TRIM29: variants seen among roughly 807,000 people sequenced by gnomAD.
TRIM29 encodes tripartite motif containing 29.
TRIM29 carries 52 observed loss-of-function variants against 57.3 expected under a neutral mutation model. That is an observed-to-expected ratio of 0.91 (90% CI 0.73 to 1.14). The LOEUF (loss-of-function observed/expected upper bound fraction) is 1.14, where lower values mean the gene tolerates loss of function less well. Ranked by LOEUF, TRIM29 falls within the 50% of genes most tolerant of loss-of-function variation. The probability of loss-of-function intolerance (pLI) is 0.00; values close to 1 mark genes in which losing one functional copy is unlikely to be tolerated. For synonymous variants in TRIM29, 319 were observed against 316.9 expected, an observed-to-expected ratio of 1.01 and a Z score of -0.07; for missense variants, 753 against 774.6, an observed-to-expected ratio of 0.97 and a Z score of 0.33.
rs1565319281 is a variant in TRIM29, at chr11:120,128,437, T to G, written c.863A>C (p.Glu288Ala). 6.2e-7 allele frequency: 1 copy of G among 1,612,560 alleles called. No individual in the cohort carries two copies. Residue 288 changes from glutamate to alanine, a missense_variant, in exon 2 of 9, where the codon GAA becomes GCA. Glu to Ala is a moderately radical substitution (Grantham distance 107). Coordinates refer to ENST00000341846, the MANE Select transcript of TRIM29 (RefSeq NM_012101.4). Reference protein sequence around the residue: ...LQLKIIEIEDEAEKWQKEKDR... With the variant: ...LQLKIIEIEDAAEKWQKEKDR... ...CTTCTCCTTCTGCCACTTCTCAGCT[T>G]CATCCTCAATCTCAATGATCTTGAG... is the stretch of plus-strand genomic sequence containing the variant.
chr11:120,131,811 A>T (rs2135026013), intron 1 of TRIM29, among the ~76,000 whole-genome samples: 1 of 150,724 alleles, frequency 6.6e-6, no homozygotes. Context: ...GGGAAGGTTT[A>T]AAAGTCGCTG....
intron 7 of TRIM29, 122 bp from the exon 8 acceptor site, chr11:120,115,536 A>C: frequency 1.2e-6 from 1 of 846,800 alleles, no homozygotes; most frequent in Non-Finnish European, 1.8e-6. Context: ...CCATTACCAA[A>C]TGCAGCCGTC....
chr11:120,119,487 G>A (rs1328350139), intron 6 of TRIM29, among the ~76,000 whole-genome samples: 2 of 152,196 alleles, frequency 1.3e-5, no homozygotes, highest in Non-Finnish European at 2.9e-5. Flanking sequence ...GTTCCGCGAG[G>A]CCAGACACCT....
chr11:120,133,853 C>G (rs35305809), intron 1 of TRIM29, among the ~76,000 whole-genome samples: 1 of 152,146 alleles, frequency 6.6e-6, no homozygotes, highest in African/African-American at 2.4e-5. Flanking sequence ...AGGTGTGAGG[C>G]TAAGCCTCTC....
At chr11:120,135,046 C>T (rs886653296) in intron 1 of TRIM29, among the ~76,000 whole-genome samples, 1 of 152,170 alleles carries the variant, frequency 6.6e-6, no homozygotes, top group Non-Finnish European at 1.5e-5. Context: ...CTGTGAGTCC[C>T]TCAGCGGCCC....
chr11:120,120,241 T>C (rs1435132095), intron 6 of TRIM29, among the ~76,000 whole-genome samples: 1 of 151,704 alleles, frequency 6.6e-6, no homozygotes, highest in East Asian at 1.9e-4. Context: ...CCCCAGATCC[T>C]TCCTCAGGGA....
intron 7 of TRIM29, chr11:120,115,636 G>A: frequency 1.8e-6 from 1 of 558,602 alleles, no homozygotes; most frequent in East Asian, 3.1e-5. Context: ...ACAGAAGGAG[G>A]AGGAGCCGGC....
At chr11:120,116,948 T>C (rs762109122) in intron 7 of TRIM29, 4 of 398,050 alleles carry the variant, frequency 1.0e-5, no homozygotes, top group South Asian at 7.5e-5. Context: ...GGATGGAAAA[T>C]GGGCAGATAC....
In TRIM29 at chr11:120,112,448, T is replaced by C. The variant is rs1215545689; in HGVS notation, c.1733A>G (p.Lys578Arg). 6.2e-7 allele frequency: 1 copy of C among 1,613,108 alleles called. No individual in the cohort carries two copies. The highest frequency in any genetic ancestry group is 2.2e-5 in the East Asian group (1 of 44,856). ...TTCGTTGGACCCAATCCCGTTGCCTTTGTTGACGTAGAATGGCCGGTAGTG... is the reference window on the plus strand; with the variant it reads ...TTCGTTGGACCCAATCCCGTTGCCTCTGTTGACGTAGAATGGCCGGTAGTG... ...LSHYRPFYVN[K>R]GNGIGSNEAP The change falls in exon 9 of 9, where the codon AAA (lysine) becomes AGA (arginine). Residue 578 changes from lysine (K) to arginine (R), a missense_variant. Coordinates refer to ENST00000341846, the MANE Select transcript of TRIM29 (RefSeq NM_012101.4).
intron 8 of TRIM29, chr11:120,113,605 T>A (rs1476257277): frequency 2.2e-6 from 1 of 456,126 alleles, no homozygotes; most frequent in African/African-American, 2.0e-5. Context: ...TCCTTGCCTT[T>A]GTGTGGTCCA....
intron 8 of TRIM29, among the ~76,000 whole-genome samples, chr11:120,113,135 G>T (rs1863177800): frequency 6.6e-6 from 1 of 152,130 alleles, no homozygotes; most frequent in African/African-American, 2.4e-5. Context: ...GGTGCAGAGA[G>T]GGTAAAGAAC....
At chr11:120,125,940 A>T (rs1208341673) in intron 3 of TRIM29, 51 bp from the exon 4 acceptor site, 1 of 1,577,318 alleles carries the variant, frequency 6.3e-7, no homozygotes, top group Admixed American at 1.7e-5. Context: ...ATGAGCTATG[A>T]GGACGCTTCT....
At chr11:120,135,322 T>A (rs1392712632) in intron 1 of TRIM29, among the ~76,000 whole-genome samples, 2 of 152,126 alleles carry the variant, frequency 1.3e-5, no homozygotes, top group African/African-American at 4.8e-5. Context: ...CTCGAAGACA[T>A]GTCTAAGAAT....
In TRIM29 at chr11:120,137,801, T is replaced by A. The variant is rs934502841; in HGVS notation, c.231A>T (p.Arg77=). 2 of 1,612,102 alleles carry A rather than the reference T, an allele frequency of 1.2e-6. No individual in the cohort carries two copies. Among genetic ancestry groups the A allele is most frequent in the Non-Finnish European group, 1.7e-6 (2 of 1,179,980 alleles). ...CGGACTCGACAAACTGGATGATGGG[T>A]CGCCGCCACTCATTGCCCGCGAACA... is the stretch of plus-strand genomic sequence containing the variant. The part of the protein sequence containing the change: ...SALFAGNEWR[R]PIIQFVESGD... The change falls in exon 1 of 9, where the codon CGA becomes CGT. Residue 77 remains arginine, a synonymous_variant. Transcript: ENST00000341846. The surrounding 1 kb of genome is among the most constrained non-coding windows in gnomAD (Gnocchi z 6.2).
intron 6 of TRIM29, among the ~76,000 whole-genome samples, chr11:120,120,336 C>A (rs1863402536): frequency 8.6e-6 from 1 of 116,192 alleles, no homozygotes; most frequent in Non-Finnish European, 1.8e-5. Flanking sequence ...TGGTGTCCCC[C>A]ACACATGTAC....
intron 5 of TRIM29, chr11:120,120,948 T>C: frequency 2.0e-6 from 1 of 490,688 alleles, no homozygotes; most frequent in Non-Finnish European, 3.8e-6. Flanking sequence ...CACGTGAGGG[T>C]GGGGCCTCCT....
At chr11:120,121,493 G>C (rs1863443271) in intron 5 of TRIM29, 1 of 154,756 alleles carries the variant, frequency 6.5e-6, no homozygotes, top group Non-Finnish European at 1.4e-5. Context: ...CAGATTTCCT[G>C]TCCCTCCTGT....
At chr11:120,117,148 C>T (rs1478820638) in intron 7 of TRIM29, 1 of 278,418 alleles carries the variant, frequency 3.6e-6, no homozygotes, top group Non-Finnish European at 7.2e-6. Flanking sequence ...TGCTCTGAAT[C>T]ACACCTGAGA....
chr11:120,134,054 T>C (rs750160579), intron 1 of TRIM29, among the ~76,000 whole-genome samples: 3 of 152,012 alleles, frequency 2.0e-5, no homozygotes, highest in Non-Finnish European at 4.4e-5. Context: ...GAAAGGGATG[T>C]ATGTGTACAT....
Sources: allele counts gnomAD v4.1 joint callset (sites outside exome capture counted in the v4.1 genomes callset), GRCh38; gene constraint gnomAD v4.1.1; non-coding constraint Gnocchi (gnomAD v3.1); transcripts MANE v1.5; gene names NCBI Gene and HGNC (gene_info 2026-07-23, HGNC 2026-07-21).